The following TRPC5 variants were observed in gnomAD, a reference collection of about 807,000 sequenced individuals.
The protein encoded by TRPC5 is short transient receptor potential channel 5.
In TRPC5, 9 loss-of-function variants were observed where a neutral mutation model predicts 56.5. That is an observed-to-expected ratio of 0.16 (90% CI 0.10 to 0.28). The LOEUF (loss-of-function observed/expected upper bound fraction) is 0.28. Among genes scored for constraint, TRPC5 ranks in the 10% least tolerant of loss-of-function variants. TRPC5 has a pLI of 1.00. For missense variants in TRPC5, 469 were observed against 748.9 expected (o/e 0.63, Z 4.36); for synonymous variants, 282 against 278.5 (o/e 1.01, Z -0.13).
chrX:111,839,811 G>T (rs1217941727), intron 6 of TRPC5, among the ~76,000 whole-genome samples: 5 of 110,491 alleles, frequency 4.5e-5, no homozygotes, highest in Non-Finnish European at 7.6e-5. Context: ...TGAACTCCTG[G>T]GCTCAAGTGA....
intron 2 of TRPC5, among the ~76,000 whole-genome samples, chrX:111,942,525 C>T (rs1926808960): frequency 9.0e-6 from 1 of 111,314 alleles, no homozygotes; most frequent in African/African-American, 3.3e-5. Context: ...AGTTCAGGCT[C>T]AGCTGAGTGA....
At chrX:111,839,095 G>A (rs1327072110) in intron 6 of TRPC5, among the ~76,000 whole-genome samples, 2 of 111,596 alleles carry the variant, frequency 1.8e-5, no homozygotes, top group Non-Finnish European at 3.8e-5. Flanking sequence ...CAGTTCCCTG[G>A]ACCTGCTATT....
At chrX:111,796,119 TTC>T (rs1921082801) in intron 7 of TRPC5, among the ~76,000 whole-genome samples, 1 of 112,318 alleles carries the variant, frequency 8.9e-6, no homozygotes, top group Non-Finnish European at 1.9e-5. Context: ...GACTTTTTCA[TTC>T]TGTTATTGTG....
At chrX:111,880,134 G>A (rs184009335) in intron 3 of TRPC5, among the ~76,000 whole-genome samples, 178 of 108,605 alleles carry the variant, frequency 1.6e-3, no homozygotes, top group African/African-American at 5.5e-3. Context: ...CTATTCTGTC[G>A]TTGTAGGCTT....
intron 7 of TRPC5, among the ~76,000 whole-genome samples, chrX:111,782,841 A>ACAC (rs55909429): frequency 9.2e-6 from 1 of 108,871 alleles, no homozygotes; most frequent in Non-Finnish European, 1.9e-5. Flanking sequence ...ACACACACAC[A>ACAC]TCAGTGTACA....
intron 6 of TRPC5, among the ~76,000 whole-genome samples, chrX:111,846,063 T>G (rs1922916089): frequency 9.0e-6 from 1 of 111,641 alleles, no homozygotes. Flanking sequence ...TGTTTTGTTT[T>G]GTTTTGTTTT....
chrX:111,839,231 C>T (rs747285537), intron 6 of TRPC5, among the ~76,000 whole-genome samples: 7 of 111,539 alleles, frequency 6.3e-5, no homozygotes, highest in African/African-American at 2.3e-4. Flanking sequence ...ACCTTTGAGG[C>T]TCAGTTGAAG....
intron 3 of TRPC5, among the ~76,000 whole-genome samples, chrX:111,910,905 A>G (rs1464127926): frequency 8.9e-6 from 1 of 112,600 alleles, no homozygotes; most frequent in Non-Finnish European, 1.9e-5. Context: ...ATTTTATTTT[A>G]TCTTTACACT....
Position 112,082,089 on chromosome X carries a change from T to C in TRPC5, c.-232A>G, listed in dbSNP as rs905673162. 1.4e-4 allele frequency: 16 copies of C among 111,495 alleles called. No homozygotes were observed. The highest frequency in any genetic ancestry group is 4.6e-4 in the African/African-American group (14 of 30,602). 9.2% of individuals were successfully genotyped at this position (111,495 alleles called of 1,213,427 possible). A position where few individuals can be genotyped will look rare whatever the true frequency, so the allele number is the denominator to read the frequency against. ...AAAGACGAGCGCAAGTACTGGCTCCTACCTTGGCTTCCCCTTTGGATGCTC... is the reference window on the plus strand; with the variant it reads ...AAAGACGAGCGCAAGTACTGGCTCCCACCTTGGCTTCCCCTTTGGATGCTC... On this transcript the variant is annotated 5_prime_UTR_variant, in exon 1 of 11. Coordinates refer to ENST00000262839, the MANE Select transcript of TRPC5 (RefSeq NM_012471.3).
chrX:111,975,830 A>G (rs777411263), intron 1 of TRPC5, among the ~76,000 whole-genome samples: 3 of 112,117 alleles, frequency 2.7e-5, no homozygotes, highest in African/African-American at 6.5e-5. Flanking sequence ...AGCAAAGCGG[A>G]GAGGCGGAGC....
At chrX:111,846,476 G>A (rs886843756) in intron 6 of TRPC5, among the ~76,000 whole-genome samples, 5 of 112,203 alleles carry the variant, frequency 4.5e-5, no homozygotes, top group Non-Finnish European at 9.4e-5. Flanking sequence ...AGGCACAGGA[G>A]TTCCATGTGT....
chrX:111,835,832 G>A (rs1478037518), intron 6 of TRPC5, among the ~76,000 whole-genome samples: 1 of 111,792 alleles, frequency 8.9e-6, no homozygotes, highest in Non-Finnish European at 1.9e-5. Flanking sequence ...ACTCTAAACT[G>A]CATGGAGGAG....
intron 2 of TRPC5, among the ~76,000 whole-genome samples, chrX:111,917,945 T>G (rs1926022754): frequency 8.9e-6 from 1 of 112,822 alleles, no homozygotes; most frequent in Non-Finnish European, 1.9e-5. Context: ...GGCTTCACCC[T>G]TGTCTGAGTT....
chrX:111,909,880 G>A (rs375467362), intron 3 of TRPC5, among the ~76,000 whole-genome samples: 1 of 111,760 alleles, frequency 8.9e-6, no homozygotes, highest in Non-Finnish European at 1.9e-5. Context: ...GAATCCAAAA[G>A]TGATCATATG....
intron 2 of TRPC5, among the ~76,000 whole-genome samples, chrX:111,940,764 C>T (rs2148632858): frequency 9.4e-6 from 1 of 106,071 alleles, no homozygotes; most frequent in Admixed American, 1.0e-4. Flanking sequence ...AGCAGCTAAA[C>T]AAGCACTGGG....
chrX:111,859,904 T>G (rs1367455817), intron 3 of TRPC5, among the ~76,000 whole-genome samples: 1 of 112,739 alleles, frequency 8.9e-6, no homozygotes, highest in Non-Finnish European at 1.9e-5. Flanking sequence ...CAACTAGTTT[T>G]TTTGTTTGTT....
chrX:112,064,434 G>A lies in TRPC5; in HGVS notation c.-22+17445C>T, dbSNP rs145675768. On this transcript the variant is annotated intron_variant, in intron 1 of 10. Coordinates refer to ENST00000262839, the MANE Select transcript of TRPC5 (RefSeq NM_012471.3). ...AATAGCCAGTCAGTCGACAAGTGTA[G>A]GGGGCAACTGGAAGAAAGATATATT... Among the ~76,000 whole-genome samples the A allele has an allele frequency of 7.3e-3, 820 of 111,872 alleles. 9 individuals carry two copies. The highest frequency in any genetic ancestry group is 0.025 in the African/African-American group (781 of 30,776).
At chrX:111,986,049 T>G (rs1318939311) in intron 1 of TRPC5, among the ~76,000 whole-genome samples, 1 of 111,839 alleles carries the variant, frequency 8.9e-6, no homozygotes, top group Non-Finnish European at 1.9e-5. Context: ...TTCTGGACCT[T>G]TCAAGGATAA....
intron 6 of TRPC5, among the ~76,000 whole-genome samples, chrX:111,836,094 G>C (rs1273807566): frequency 2.7e-5 from 3 of 111,528 alleles, no homozygotes; most frequent in African/African-American, 9.8e-5. Context: ...CTCAAATCTA[G>C]GTCTGTCTGC....
Sources: allele counts gnomAD v4.1 joint callset (sites outside exome capture counted in the v4.1 genomes callset), GRCh38; gene constraint gnomAD v4.1.1; transcripts MANE v1.5; gene names NCBI Gene and HGNC (gene_info 2026-07-23, HGNC 2026-07-21).